Variants in TCERG1L observed in about 807,000 individuals in gnomAD.
The protein encoded by TCERG1L is transcription elongation regulator 1 like.
Under a neutral mutation model 56.3 loss-of-function variants are expected in TCERG1L, and 37 were observed. That is an observed-to-expected ratio of 0.66 (90% CI 0.51 to 0.87). The LOEUF is 0.87. TCERG1L is among the 40% of genes least tolerant of loss of function. TCERG1L has a pLI of 0.00. For missense variants in TCERG1L, 799 were observed against 774.2 expected, an observed-to-expected ratio of 1.03 and a Z score of -0.38; for synonymous variants, 324 against 326.3, an observed-to-expected ratio of 0.99 and a Z score of 0.08.
intron 4 of TCERG1L, among the ~76,000 whole-genome samples, chr10:131,208,905 A>C (rs1378825555): frequency 3.3e-5 from 5 of 152,108 alleles, no homozygotes; most frequent in African/African-American, 1.2e-4. Flanking sequence ...AAAATAGAAA[A>C]AAATTAGCCA....
intron 3 of TCERG1L, among the ~76,000 whole-genome samples, chr10:131,299,458 T>C (rs1470742425): frequency 6.8e-6 from 1 of 146,664 alleles, no homozygotes; most frequent in Non-Finnish European, 1.5e-5. Flanking sequence ...TTCACAGTTT[T>C]AAGTGTCTGC....
In TCERG1L at chr10:131,208,591, C is replaced by T. The variant is rs569081565; in HGVS notation, c.857-41706G>A. Among the ~76,000 whole-genome samples, 5 of 152,266 alleles carry T rather than the reference C, an allele frequency of 3.3e-5. No homozygotes were observed. The South Asian group carries it at 1.0e-3, about 32-fold the overall frequency. ...TAATGCTCCACAATCTGTCCCCTGC[C>T]CCACCGTTTCTAGGGAGGGGGAAGC... On this transcript the variant is annotated intron_variant, in intron 4 of 11. Coordinates refer to ENST00000368642, the MANE Select transcript of TCERG1L (RefSeq NM_174937.4).
intron 3 of TCERG1L, among the ~76,000 whole-genome samples, chr10:131,278,030 C>A (rs1336148941): frequency 2.0e-5 from 3 of 152,118 alleles, no homozygotes; most frequent in African/African-American, 7.2e-5. Flanking sequence ...TCTGAGGAAA[C>A]CCAGCAGGCT....
At chr10:131,154,988 C>T (rs1845904244) in intron 6 of TCERG1L, among the ~76,000 whole-genome samples, 1 of 152,188 alleles carries the variant, frequency 6.6e-6, no homozygotes, top group Non-Finnish European at 1.5e-5. Flanking sequence ...CAGGCGCTGG[C>T]GGCTGCTGCA....
chr10:131,244,398 G>C (rs538418158), intron 4 of TCERG1L, among the ~76,000 whole-genome samples: 1 of 152,332 alleles, frequency 6.6e-6, no homozygotes, highest in African/African-American at 2.4e-5. Flanking sequence ...TTTACGTTCA[G>C]AACAGGCAGC....
intron 4 of TCERG1L, among the ~76,000 whole-genome samples, chr10:131,247,177 G>A (rs1846049609): frequency 6.6e-6 from 1 of 152,160 alleles, no homozygotes; most frequent in African/African-American, 2.4e-5. Context: ...CACACACAGC[G>A]ACGGACACAT....
intron 4 of TCERG1L, among the ~76,000 whole-genome samples, chr10:131,225,543 G>A (rs906764214): frequency 1.4e-4 from 21 of 152,252 alleles, no homozygotes; most frequent in African/African-American, 5.1e-4. Flanking sequence ...TCAGACCCAA[G>A]ATGCATTTCG....
At chr10:131,159,921 A>G (rs1384215193) in intron 6 of TCERG1L, among the ~76,000 whole-genome samples, 1 of 151,978 alleles carries the variant, frequency 6.6e-6, no homozygotes, top group African/African-American at 2.4e-5. Flanking sequence ...GTGCAAACCC[A>G]CCCTCTGAGG....
At chr10:131,291,478 G>C (rs965242089) in intron 3 of TCERG1L, among the ~76,000 whole-genome samples, 6 of 118,828 alleles carry the variant, frequency 5.0e-5, no homozygotes, top group Admixed American at 3.5e-4. Context: ...CCAGGTTGGA[G>C]TGCAGTGGCG....
At chr10:131,310,402 A>C (rs1846873614) in intron 1 of TCERG1L, among the ~76,000 whole-genome samples, 1 of 152,218 alleles carries the variant, frequency 6.6e-6, no homozygotes, top group South Asian at 2.1e-4. Context: ...GCAGGAGTTT[A>C]ACAACATCTT....
At chr10:131,271,930 G>A (rs763589480) in intron 3 of TCERG1L, among the ~76,000 whole-genome samples, 1 of 152,180 alleles carries the variant, frequency 6.6e-6, no homozygotes, top group South Asian at 2.1e-4. Context: ...TCCTTCAGGC[G>A]CTGTAGCTAC....
rs1428431855 is a variant in TCERG1L at position 131,311,410 on chromosome 10, C to G, written c.226G>C (p.Gly76Arg). 4 of 1,179,686 alleles carry G rather than the reference C, an allele frequency of 3.4e-6. No individual in the cohort carries two copies. The highest frequency in any genetic ancestry group is 4.2e-6 in the Non-Finnish European group (4 of 955,888). 73.1% of individuals were successfully genotyped at this position (1,179,686 alleles called of 1,614,324 possible). A position where few individuals can be genotyped will look rare whatever the true frequency, so the allele number is the denominator to read the frequency against. The part of the protein sequence containing the change: ...APPPAAPLLP[G>R]LPGWPAPSEP... ...CTCGGGGCCGGCCAGCCGGGGAGAC[C>G]GGGGAGCAGCGGGGCCGCGGGCGGC... Residue 76 changes from glycine (G) to arginine (R), a missense_variant, in exon 1 of 12, where the codon GGT becomes CGT. Transcript: ENST00000368642. This position sits in a 1 kb window ranked among gnomAD's most constrained non-coding sequence, Gnocchi z 4.0.
chr10:131,094,945 G>C (rs889213943), intron 11 of TCERG1L, among the ~76,000 whole-genome samples: 4 of 152,246 alleles, frequency 2.6e-5, no homozygotes, highest in African/African-American at 7.2e-5. Context: ...CTGAAAAGAA[G>C]AGTCCCTGAA....
At chr10:131,200,788 A>G (rs991767316) in intron 4 of TCERG1L, among the ~76,000 whole-genome samples, 8 of 152,196 alleles carry the variant, frequency 5.3e-5, no homozygotes, top group Non-Finnish European at 2.9e-5. Context: ...ATATAATTGA[A>G]TATGTCCCCT....
intron 4 of TCERG1L, among the ~76,000 whole-genome samples, chr10:131,239,882 T>C (rs550546045): frequency 8.9e-4 from 135 of 152,286 alleles, no homozygotes; most frequent in Admixed American, 1.4e-3. Context: ...CTACAGCCCC[T>C]AGAAAGGGTG....
At chr10:131,291,489 T>A (rs554104176) in intron 3 of TCERG1L, among the ~76,000 whole-genome samples, 1 of 130,948 alleles carries the variant, frequency 7.6e-6, no homozygotes, top group Non-Finnish European at 1.6e-5. Context: ...TGCAGTGGCG[T>A]GATCTCGGCT....
intron 4 of TCERG1L, among the ~76,000 whole-genome samples, chr10:131,221,628 C>T (rs541346532): frequency 6.6e-6 from 1 of 152,300 alleles, no homozygotes; most frequent in African/African-American, 2.4e-5. Flanking sequence ...CATGTGTTAT[C>T]GCCGTGTATT....
In TCERG1L at chr10:131,103,001, G is replaced by A. The variant is rs1189291433; in HGVS notation, c.1485+1264C>T. ...CAAGTCTCTCCTTAAAATAGTCCCCGGAGAACCCCCTCTAATCAATTCCGT... is the reference window on the plus strand; with the variant it reads ...CAAGTCTCTCCTTAAAATAGTCCCCAGAGAACCCCCTCTAATCAATTCCGT... On this transcript the variant is annotated intron_variant, in intron 10 of 11. Transcript: ENST00000368642. This position sits in a 1 kb window ranked among gnomAD's most constrained non-coding sequence, Gnocchi z 4.3. Among the ~76,000 whole-genome samples, 8 of 151,952 alleles carry A rather than the reference G, an allele frequency of 5.3e-5. No individual in the cohort carries two copies. Among genetic ancestry groups the A allele is most frequent in the Non-Finnish European group, 8.8e-5 (6 of 68,000 alleles).
intron 7 of TCERG1L, among the ~76,000 whole-genome samples, chr10:131,136,682 G>T (rs1440100714): frequency 6.6e-6 from 1 of 151,918 alleles, no homozygotes; most frequent in African/African-American, 2.4e-5. Context: ...TTTTAGTAGA[G>T]ACAGGGTTTT....
Sources: gnomAD v4.1 joint callset for allele counts (sites outside exome capture counted in the v4.1 genomes callset) on GRCh38, gnomAD v4.1.1 for gene constraint, Gnocchi (gnomAD v3.1) non-coding constraint, MANE v1.5 for transcripts, NCBI Gene and HGNC (gene_info 2026-07-23, HGNC 2026-07-21) for gene names.